The following C1orf21 variants were observed in gnomAD, a reference collection of about 807,000 sequenced individuals.
C1orf21 encodes uncharacterized protein C1orf21.
C1orf21 carries 3 observed loss-of-function variants against 18.7 expected under a neutral mutation model. That is an observed-to-expected ratio of 0.16 (90% CI 0.07 to 0.42). The LOEUF (loss-of-function observed/expected upper bound fraction) is 0.42. Ranked by LOEUF, C1orf21 falls within the 10% of genes least tolerant of loss-of-function variation. C1orf21 has a pLI of 0.99. For missense variants in C1orf21, 104 were observed against 143.6 expected, an observed-to-expected ratio of 0.72 and a Z score of 1.41; for synonymous variants, 41 against 46.4, an observed-to-expected ratio of 0.88 and a Z score of 0.47.
At chr1:184,552,433 G>A (rs557107921) in intron 3 of C1orf21, among the ~76,000 whole-genome samples, 110 of 152,330 alleles carry the variant, frequency 7.2e-4, no homozygotes, top group African/African-American at 2.4e-3. Context: ...TCTGACAAAA[G>A]TAGAGGAGTC....
Position 184,483,037 on chromosome 1 carries a change from A to G in C1orf21, c.94+5434A>G, listed in dbSNP as rs556595764. The stretch of plus-strand genomic sequence containing the variant: ...AACTTCACCAGTGATATTTACTTAC[A>G]TATTTTCTTTCACTTTAAGTGTTGA... On this transcript the variant is annotated intron_variant, in intron 2 of 5. Transcript: ENST00000235307. Among the ~76,000 whole-genome samples, 50 of 152,340 alleles carry G rather than the reference A, an allele frequency of 3.3e-4. 1 individual carries two copies. Among genetic ancestry groups the G allele is most frequent in the African/African-American group, 1.1e-3 (46 of 41,584 alleles).
At chr1:184,554,554 G>A (rs1031783767) in intron 3 of C1orf21, among the ~76,000 whole-genome samples, 1 of 152,088 alleles carries the variant, frequency 6.6e-6, no homozygotes, top group Non-Finnish European at 1.5e-5. Context: ...TGTTTGTATA[G>A]CCAAACAATA....
chr1:184,608,086 T>C (rs1282540836), intron 5 of C1orf21, among the ~76,000 whole-genome samples: 3 of 152,154 alleles, frequency 2.0e-5, no homozygotes, highest in East Asian at 1.9e-4. Context: ...CCCATGAACA[T>C]TGCTGTGCCC....
intron 4 of C1orf21, among the ~76,000 whole-genome samples, chr1:184,593,694 C>G (rs920556251): frequency 1.3e-4 from 20 of 152,318 alleles, no homozygotes; most frequent in African/African-American, 4.8e-4. Context: ...TTGTCTGGCA[C>G]TTGGTAAAAA....
chr1:184,467,987 G>GTGT (rs1657428840), intron 1 of C1orf21, among the ~76,000 whole-genome samples: 1 of 148,928 alleles, frequency 6.7e-6, no homozygotes, highest in Non-Finnish European at 1.5e-5. Context: ...GAGCTTTTAT[G>GTGT]GTGTGTGTGT....
chr1:184,581,599 C>T (rs1659278002), intron 3 of C1orf21, among the ~76,000 whole-genome samples: 1 of 152,062 alleles, frequency 6.6e-6, no homozygotes, highest in African/African-American at 2.4e-5. Flanking sequence ...GATATATTAT[C>T]TTTTTAAAAC....
At chr1:184,395,970 T>C (rs1656043863) in intron 1 of C1orf21, among the ~76,000 whole-genome samples, 1 of 152,172 alleles carries the variant, frequency 6.6e-6, no homozygotes, top group African/African-American at 2.4e-5. Context: ...TGTACACTCA[T>C]AGACCAATTC....
At chr1:184,436,254 G>A (rs900819150) in intron 1 of C1orf21, among the ~76,000 whole-genome samples, 1 of 152,158 alleles carries the variant, frequency 6.6e-6, no homozygotes, top group African/African-American at 2.4e-5. Context: ...CCACATTGGC[G>A]ACATTATTAT....
At chr1:184,464,112 G>A (rs1657350533) in intron 1 of C1orf21, among the ~76,000 whole-genome samples, 1 of 152,204 alleles carries the variant, frequency 6.6e-6, no homozygotes, top group Non-Finnish European at 1.5e-5. Flanking sequence ...TGGATGGAAA[G>A]CCTTGAATTC....
chr1:184,507,829 C>T, intron 3 of C1orf21, 147 bp downstream of exon 3: 1 of 623,992 alleles, frequency 1.6e-6, no homozygotes, highest in Non-Finnish European at 2.7e-6. Flanking sequence ...GGAAGCTGCA[C>T]CATTACTCCT....
At chr1:184,392,819 CTTTTTTTTTTT>C (rs397861528) in intron 1 of C1orf21, among the ~76,000 whole-genome samples, 1 of 96,822 alleles carries the variant, frequency 1.0e-5, no homozygotes, top group Non-Finnish European at 1.9e-5. Context: ...GACATTCCTC[CTTTTTTTTTTT>C]TTTTTTTTTT....
At chr1:184,610,471 C>G (rs1659713255) in intron 5 of C1orf21, among the ~76,000 whole-genome samples, 1 of 152,172 alleles carries the variant, frequency 6.6e-6, no homozygotes, top group African/African-American at 2.4e-5. Flanking sequence ...TATCCTCACT[C>G]CTGCTCACCT....
intron 3 of C1orf21, among the ~76,000 whole-genome samples, chr1:184,587,835 G>A (rs1344180742): frequency 6.6e-6 from 1 of 151,850 alleles, no homozygotes; most frequent in Admixed American, 6.6e-5. Flanking sequence ...GGCTGCTCTG[G>A]AGCTCCTGAC....
intron 3 of C1orf21, among the ~76,000 whole-genome samples, chr1:184,540,665 A>G (rs949106521): frequency 6.6e-6 from 1 of 152,208 alleles, no homozygotes; most frequent in Non-Finnish European, 1.5e-5. Flanking sequence ...TCCTGACCTC[A>G]GGTGATCTGC....
chr1:184,468,133 C>A (rs768709598), intron 1 of C1orf21, among the ~76,000 whole-genome samples: 47 of 152,212 alleles, frequency 3.1e-4, no homozygotes, highest in Non-Finnish European at 7.3e-5. Context: ...TTTCAGGAAA[C>A]TTCCTAATCT....
intron 1 of C1orf21, among the ~76,000 whole-genome samples, chr1:184,457,665 G>A (rs1284541274): frequency 1.3e-5 from 2 of 152,002 alleles, no homozygotes; most frequent in African/African-American, 4.8e-5. Context: ...GTGCCTCTCC[G>A]ATGGGTATCT....
intron 1 of C1orf21, among the ~76,000 whole-genome samples, chr1:184,418,286 C>G (rs572143291): frequency 2.0e-4 from 31 of 152,222 alleles, no homozygotes; most frequent in African/African-American, 7.2e-4. Flanking sequence ...GTGGCGCCAT[C>G]ATGGCTCACT....
At chr1:184,416,165 G>A (rs907452758) in intron 1 of C1orf21, among the ~76,000 whole-genome samples, 1 of 152,072 alleles carries the variant, frequency 6.6e-6, no homozygotes, top group Non-Finnish European at 1.5e-5. Flanking sequence ...TTCTTCACTA[G>A]TATTTGCTCC....
chr1:184,509,756 C>T (rs10797974), intron 3 of C1orf21, among the ~76,000 whole-genome samples: 1 of 151,962 alleles, frequency 6.6e-6, no homozygotes, highest in Non-Finnish European at 1.5e-5. Flanking sequence ...ACTTATTTTA[C>T]GAATGATACT....
Sources: gnomAD v4.1 joint callset for allele counts (sites outside exome capture counted in the v4.1 genomes callset) on GRCh38, gnomAD v4.1.1 for gene constraint, MANE v1.5 for transcripts, NCBI Gene and HGNC (gene_info 2026-07-23, HGNC 2026-07-21) for gene names.